The following PRKG1 variants were observed in gnomAD, a reference collection of about 807,000 sequenced individuals.
The protein encoded by PRKG1 is cGMP-dependent protein kinase 1.
A neutral mutation model predicts 88.1 loss-of-function variants in PRKG1; 35 were observed. The ratio of observed to expected loss-of-function variants is 0.40; its 90% confidence interval spans 0.30 to 0.53. The LOEUF (loss-of-function observed/expected upper bound fraction) is 0.53, where lower values mean the gene tolerates loss of function less well. Among genes scored for constraint, PRKG1 ranks in the 20% least tolerant of loss-of-function variants. The pLI is 0.59. For synonymous variants in PRKG1, 303 were observed against 292.5 expected (o/e 1.04, Z -0.37); for missense variants, 540 against 839.8 (o/e 0.64, Z 4.41).
chr10:51,738,480 G>A (rs758504603), intron 3 of PRKG1, among the ~76,000 whole-genome samples: 2 of 152,166 alleles, frequency 1.3e-5, no homozygotes, highest in African/African-American at 4.8e-5. Context: ...TGAAGCAGTT[G>A]CAAGAATGAA....
Position 51,153,301 on chromosome 10 carries a change from A to C in PRKG1, c.449A>C (p.Asp150Ala), listed in dbSNP as rs775427696. 51 of 1,611,572 alleles carry C rather than the reference A, an allele frequency of 3.2e-5. No homozygotes were observed. Among genetic ancestry groups the C allele is most frequent in the Non-Finnish European group, 4.2e-5 (49 of 1,178,580 alleles). Residue 150 changes from aspartate to alanine, a missense_variant, in exon 2 of 18, where the codon GAC becomes GCC. Asp to Ala is a moderately radical substitution (Grantham distance 126). This residue lies in a region of PRKG1 where 400 missense variants were observed against 562.7 expected (regional missense o/e 0.71). Transcript: ENST00000373980. Reference protein sequence around the residue: ...GKDSCIIKEGDVGSLVYVMED... With the variant: ...GKDSCIIKEGAVGSLVYVMED... ...GACAGTTGCATCATCAAAGAAGGAG[A>C]CGTGGGGTCACTGGTGTATGTCATG...
chr10:52,067,921 G>GACTTGAAACCATATGGAAT (rs1589575435), intron 7 of PRKG1, among the ~76,000 whole-genome samples: 1 of 147,360 alleles, frequency 6.8e-6, no homozygotes. Context: ...ATCCCTACTT[G>GACTTGAAACCATATGGAAT]AGGCCGGGCG....
intron 4 of PRKG1, among the ~76,000 whole-genome samples, chr10:51,856,947 G>A (rs1230892778): frequency 4.9e-5 from 7 of 141,450 alleles, no homozygotes; most frequent in African/African-American, 1.8e-4. Context: ...CTGGGCGACA[G>A]AGCGAGACTC....
intron 3 of PRKG1, among the ~76,000 whole-genome samples, chr10:51,494,372 T>A (rs1162750285): frequency 6.6e-6 from 1 of 152,228 alleles, no homozygotes; most frequent in Non-Finnish European, 1.5e-5. Context: ...GGAGCTCATT[T>A]TAAAAAATGG....
At chr10:52,261,313 G>A (rs1534628) in intron 10 of PRKG1, among the ~76,000 whole-genome samples, 109,260 of 151,950 alleles carry the variant, frequency 0.72, 42,542 homozygotes, top group Non-Finnish European at 0.89. Context: ...TAAGGTAAAC[G>A]AAGAAAGAAA....
chr10:51,275,609 A>G (rs947131224), intron 2 of PRKG1, among the ~76,000 whole-genome samples: 3 of 152,344 alleles, frequency 2.0e-5, no homozygotes, highest in Non-Finnish European at 2.9e-5. Flanking sequence ...ATTTAATTTT[A>G]TAGGTTCCTG....
chr10:51,834,918 T>C (rs1840096130), intron 4 of PRKG1, among the ~76,000 whole-genome samples: 1 of 151,964 alleles, frequency 6.6e-6, no homozygotes, highest in African/African-American at 2.4e-5. Flanking sequence ...AATTAATTGA[T>C]TTATCAATTG....
At position 52,296,001 on chromosome 10, in the gene PRKG1, C is replaced by A. The variant is rs1842373640; in HGVS notation, c.*2101C>A. On this transcript the variant is annotated 3_prime_UTR_variant, in exon 18 of 18. Coordinates refer to ENST00000373980, the MANE Select transcript of PRKG1 (RefSeq NM_006258.4). ...AAAATTAAACATATCAACCTAAAAT[C>A]TAGCTATGAATGTTATTTCAAGAGT... The A allele has an allele frequency of 6.6e-6, 1 of 151,912 alleles. No homozygotes were observed. The highest frequency in any genetic ancestry group is 2.1e-4 in the South Asian group (1 of 4,824). The allele number at this position is 151,912 out of a possible 1,614,324, so 9.4% of individuals were successfully genotyped here.
At chr10:51,088,531 TA>T in intron 1 of PRKG1, among the ~76,000 whole-genome samples, 1 of 152,208 alleles carries the variant, frequency 6.6e-6, no homozygotes, top group African/African-American at 2.4e-5. Context: ...GGTTATATGC[TA>T]AAAAAGACAC....
intron 7 of PRKG1, among the ~76,000 whole-genome samples, chr10:52,064,912 G>A (rs1178488642): frequency 6.6e-6 from 1 of 152,208 alleles, no homozygotes; most frequent in Non-Finnish European, 1.5e-5. Flanking sequence ...GGGTTCACTT[G>A]TAGGTCATAA....
chr10:51,382,217 A>G (rs566861054), intron 2 of PRKG1, among the ~76,000 whole-genome samples: 1 of 152,342 alleles, frequency 6.6e-6, no homozygotes, highest in Non-Finnish European at 1.5e-5. Context: ...AAAAGGGAAA[A>G]GATGAATTTG....
chr10:51,329,162 T>C (rs957660495), intron 2 of PRKG1, among the ~76,000 whole-genome samples: 2 of 152,314 alleles, frequency 1.3e-5, no homozygotes, highest in South Asian at 2.1e-4. Flanking sequence ...TGGAACCTTT[T>C]CCCTAGGTTT....
intron 2 of PRKG1, among the ~76,000 whole-genome samples, chr10:51,176,621 A>T (rs1837201875): frequency 6.6e-6 from 1 of 152,206 alleles, no homozygotes; most frequent in Non-Finnish European, 1.5e-5. Context: ...TGAGGAGTTA[A>T]TAGAAAGGTT....
In PRKG1 at chr10:52,085,239, C is replaced by A. The variant is rs574630832; in HGVS notation, c.935+22608C>A. Among the ~76,000 whole-genome samples, 447 of 152,144 alleles carry A rather than the reference C, an allele frequency of 2.9e-3. 4 individuals are homozygous for A. Among genetic ancestry groups the A allele is most frequent in the African/African-American group, 0.01 (428 of 41,534 alleles). Reference sequence around the variant, plus strand: ...AAGAGCATGCAAATGTTCTGCTCTGCATCAAATTATTCTCCCTCCCTCCCT... The same window carrying A: ...AAGAGCATGCAAATGTTCTGCTCTGAATCAAATTATTCTCCCTCCCTCCCT... On this transcript the variant is annotated intron_variant, in intron 7 of 17. Coordinates refer to ENST00000373980, the MANE Select transcript of PRKG1 (RefSeq NM_006258.4).
intron 4 of PRKG1, among the ~76,000 whole-genome samples, chr10:51,820,177 C>G (rs569918348): frequency 6.6e-6 from 1 of 152,242 alleles, no homozygotes; most frequent in Non-Finnish European, 1.5e-5. Flanking sequence ...TTATATGCAA[C>G]TATTTTCCTG....
chr10:51,678,763 A>G (rs1840772551), intron 3 of PRKG1, among the ~76,000 whole-genome samples: 1 of 152,232 alleles, frequency 6.6e-6, no homozygotes, highest in Non-Finnish European at 1.5e-5. Context: ...CTGCAAACAC[A>G]TGATCCCTGG....
At chr10:51,768,801 C>T (rs1838233959) in intron 3 of PRKG1, among the ~76,000 whole-genome samples, 1 of 152,028 alleles carries the variant, frequency 6.6e-6, no homozygotes, top group Non-Finnish European at 1.5e-5. Context: ...CAGTAAAATG[C>T]CCCTTTTTTG....
Position 51,857,421 on chromosome 10 carries a change from T to C in PRKG1, c.699-50086T>C, listed in dbSNP as rs1409676079. On this transcript the variant is annotated intron_variant, in intron 4 of 17. Transcript: ENST00000373980. Reference sequence around the variant, plus strand: ...ATCTTGTGATGCCAGCATAGACACCTGCTCGAGGACTTCAGAATCTCCCCC... The same window carrying C: ...ATCTTGTGATGCCAGCATAGACACCCGCTCGAGGACTTCAGAATCTCCCCC... 2.6e-5 allele frequency among the ~76,000 whole-genome samples: 4 copies of C among 152,316 alleles called. No individual in the cohort carries two copies. In the East Asian group the frequency reaches 7.7e-4, roughly 29 times the overall value.
intron 2 of PRKG1, among the ~76,000 whole-genome samples, chr10:51,174,173 T>C (rs1723914168): frequency 6.6e-6 from 1 of 151,908 alleles, no homozygotes; most frequent in Admixed American, 6.6e-5. Context: ...TAATAAAACA[T>C]CATGTTGGGC....
Sources: allele counts gnomAD v4.1 joint callset (sites outside exome capture counted in the v4.1 genomes callset), GRCh38; gene constraint gnomAD v4.1.1; regional missense constraint gnomAD v4.1.1; transcripts MANE v1.5; gene names NCBI Gene and HGNC (gene_info 2026-07-23, HGNC 2026-07-21).